The following WDFY4 variants were observed in gnomAD, a reference collection of about 807,000 sequenced individuals.
WDFY4 encodes WDFY family member 4.
WDFY4 carries 169 observed loss-of-function variants against 351.9 expected under a neutral mutation model. The observed-to-expected ratio is 0.48, with a 90% confidence interval of 0.42 to 0.55. The LOEUF is 0.55. Ranked by LOEUF, WDFY4 falls within the 20% of genes least tolerant of loss-of-function variation. The probability of loss-of-function intolerance (pLI) is 0.00; values close to 1 mark genes in which losing one functional copy is unlikely to be tolerated. For missense variants in WDFY4, 3,803 were observed against 3,935.6 expected (o/e 0.97, Z 0.90); for synonymous variants, 1,622 against 1,574.6 (o/e 1.03, Z -0.71).
chr10:48,736,177 TGGCAG>T, intron 11 of WDFY4, 107 bp downstream of exon 11: 1 of 1,288,432 alleles, frequency 7.8e-7, no homozygotes, highest in Non-Finnish European at 1.1e-6. Flanking sequence ...CCACTGTATG[TGGCAG>T]GCAGTACCCT....
intron 47 of WDFY4, among the ~76,000 whole-genome samples, chr10:48,906,962 A>T (rs906751331): frequency 1.3e-5 from 2 of 152,024 alleles, no homozygotes; most frequent in Non-Finnish European, 2.9e-5. Context: ...TTTCTGGAAC[A>T]TACTTTCTCT....
intron 24 of WDFY4, among the ~76,000 whole-genome samples, chr10:48,801,172 G>C (rs1321511352): frequency 6.6e-6 from 1 of 152,196 alleles, no homozygotes; most frequent in African/African-American, 2.4e-5. Context: ...ATAGTCCTTA[G>C]TACAGGCTTA....
chr10:48,705,643 C>T (rs2063606916), intron 1 of WDFY4, among the ~76,000 whole-genome samples: 1 of 152,218 alleles, frequency 6.6e-6, no homozygotes, highest in Non-Finnish European at 1.5e-5. Context: ...GAGTCAGATG[C>T]TGCTGCCACG....
intron 48 of WDFY4, among the ~76,000 whole-genome samples, chr10:48,942,404 G>A (rs568616888): frequency 6.6e-5 from 10 of 151,990 alleles, no homozygotes; most frequent in South Asian, 4.1e-4. Context: ...GCGCGCACGC[G>A]CATGTGCATG....
In WDFY4 at chr10:48,877,291, G is replaced by A. The variant is rs2133305230; in HGVS notation, c.7167+92G>A. On this transcript the variant is annotated intron_variant, in intron 43 of 61. Coordinates refer to ENST00000325239, the MANE Select transcript of WDFY4 (RefSeq NM_001394531.1). ...AAAACCAAGCTTTCGCCACTTACAT[G>A]GGGAATGAGATCTCCATTTGCTATG... The A allele has an allele frequency of 5.1e-6, 6 of 1,172,994 alleles. 1 individual carries two copies. In the South Asian group the frequency reaches 7.6e-5, roughly 15 times the overall value. 72.7% of individuals were successfully genotyped at this position (1,172,994 alleles called of 1,614,324 possible). A position where few individuals can be genotyped will look rare whatever the true frequency, so the allele number is the denominator to read the frequency against.
At chr10:48,942,752 C>T (rs1324549950) in intron 48 of WDFY4, among the ~76,000 whole-genome samples, 2 of 151,858 alleles carry the variant, frequency 1.3e-5, no homozygotes, top group African/African-American at 2.4e-5. Flanking sequence ...ATTGCTCACT[C>T]ATTCAGCGGC....
Position 48,975,047 on chromosome 10 carries a change from T to A in WDFY4, c.9108+6T>A. The stretch of plus-strand genomic sequence containing the variant: ...TCACCATCAGTGACGTCTCAGTAAG[T>A]CTCCTGTTTCTCAGTGTCCGTGTCC... On this transcript the variant is annotated splice_donor_region_variant and intron_variant, in intron 58 of 61. Transcript: ENST00000325239. 1 of 1,551,628 alleles carries A rather than the reference T, an allele frequency of 6.4e-7. No individual in the cohort carries two copies.
At chr10:48,715,790 T>G (rs1469455549) in intron 2 of WDFY4, among the ~76,000 whole-genome samples, 1 of 144,704 alleles carries the variant, frequency 6.9e-6, no homozygotes, top group African/African-American at 2.6e-5. Flanking sequence ...CACTCCTGGC[T>G]AATTTTTCTT....
chr10:48,753,491 G>C (rs1245128764), intron 12 of WDFY4, among the ~76,000 whole-genome samples: 1 of 152,100 alleles, frequency 6.6e-6, no homozygotes, highest in Non-Finnish European at 1.5e-5. Flanking sequence ...TAAAAATTTT[G>C]TTTTGGCTCT....
chr10:48,830,204 CA>C (rs2068142146), intron 37 of WDFY4, among the ~76,000 whole-genome samples: 1 of 152,186 alleles, frequency 6.6e-6, no homozygotes, highest in Admixed American at 6.5e-5. Context: ...TAGTGAGAAG[CA>C]AGGTCCAGGA....
chr10:48,803,531 C>T (rs919395703), intron 25 of WDFY4, among the ~76,000 whole-genome samples, 172 bp downstream of exon 25: 5 of 152,046 alleles, frequency 3.3e-5, no homozygotes, highest in East Asian at 1.9e-4. Context: ...CTCATGGTCT[C>T]GGGCCTCAGG....
Position 48,966,627 on chromosome 10 carries a change from T to C in WDFY4, c.8538T>C (p.Phe2846=). ...PVSLPGHPQP[F]FYSLQSLRPS... ...GCCTGCCTGGCCACCCACAGCCCTT[T>C]TTCTACAGCCTGCAGTCGCTGAGGC... is the stretch of plus-strand genomic sequence containing the variant. The change falls in exon 55 of 62, where the codon TTT becomes TTC. Residue 2846 remains phenylalanine, a synonymous_variant. Coordinates refer to ENST00000325239, the MANE Select transcript of WDFY4 (RefSeq NM_001394531.1). The C allele has an allele frequency of 6.4e-7, 1 of 1,551,912 alleles. No individual in the cohort carries two copies. The highest frequency in any genetic ancestry group is 1.2e-5 in the South Asian group (1 of 84,060).
At chr10:48,966,470 C>T (rs953802868) in intron 54 of WDFY4, 56 bp from the exon 55 acceptor site, 42 of 1,514,880 alleles carry the variant, frequency 2.8e-5, no homozygotes, top group Admixed American at 1.2e-4. Context: ...TGCACAGGGA[C>T]GACCCCTCCT....
chr10:48,774,279 C>G (rs569945842), intron 13 of WDFY4, among the ~76,000 whole-genome samples, 179 bp from the exon 14 acceptor site: 16 of 152,046 alleles, frequency 1.1e-4, no homozygotes, highest in East Asian at 9.7e-4. Flanking sequence ...ACTTGCCCCC[C>G]GCCAGGTGAG....
intron 44 of WDFY4, among the ~76,000 whole-genome samples, chr10:48,894,556 A>G (rs1282510351): frequency 1.3e-5 from 2 of 152,264 alleles, no homozygotes; most frequent in Non-Finnish European, 2.9e-5. Context: ...ATGAGGATCC[A>G]ATTAAATAAT....
intron 55 of WDFY4, 111 bp downstream of exon 55, chr10:48,966,784 G>A (rs1842103277): frequency 7.3e-7 from 1 of 1,363,410 alleles, no homozygotes; most frequent in Non-Finnish European, 9.8e-7. Context: ...ATTGGGGACT[G>A]ACTTTGAATG....
chr10:48,775,623 A>T, intron 14 of WDFY4, 89 bp from the exon 15 acceptor site: 1 of 1,262,966 alleles, frequency 7.9e-7, no homozygotes, highest in Non-Finnish European at 1.1e-6. Context: ...AGGGAGCTCC[A>T]GGCATCTAGG....
chr10:48,941,869 G>A (rs374369252), intron 48 of WDFY4, 21 bp downstream of exon 48: 2 of 1,551,630 alleles, frequency 1.3e-6, no homozygotes, highest in East Asian at 4.9e-5. Context: ...TCCTCCAGAG[G>A]GAAGCCCTCT....
chr10:48,838,198 C>T (rs1292737201), intron 39 of WDFY4, among the ~76,000 whole-genome samples: 1 of 152,092 alleles, frequency 6.6e-6, no homozygotes, highest in Non-Finnish European at 1.5e-5. Context: ...CTACATCTGC[C>T]CTGGCAAGGA....
Sources: gnomAD v4.1 joint callset for allele counts (sites outside exome capture counted in the v4.1 genomes callset) on GRCh38, gnomAD v4.1.1 for gene constraint, MANE v1.5 for transcripts, NCBI Gene and HGNC (gene_info 2026-07-23, HGNC 2026-07-21) for gene names.